PDE10A: variants seen among roughly 807,000 people sequenced by gnomAD.
PDE10A encodes phosphodiesterase 10A, also known as cAMP and cAMP-inhibited cGMP 3',5'-cyclic phosphodiesterase 10A.
Under a neutral mutation model 97.7 loss-of-function variants are expected in PDE10A, and 39 were observed. The observed-to-expected ratio is 0.40, with a 90% CI of 0.31 to 0.52. The LOEUF is 0.52. Ranked by LOEUF, PDE10A falls within the 20% of genes least tolerant of loss-of-function variation. The pLI is 0.56. For missense variants in PDE10A, 731 were observed against 1,047.8 expected (o/e 0.70, Z 4.17); for synonymous variants, 371 against 376.8 (o/e 0.98, Z 0.18).
chr6:165,374,466 T>TA (rs1164301996), intron 18 of PDE10A, among the ~76,000 whole-genome samples: 2 of 151,798 alleles, frequency 1.3e-5, no homozygotes, highest in Non-Finnish European at 2.9e-5. Flanking sequence ...AGCTGATATA[T>TA]AAAAAAGTAA....
intron 2 of PDE10A, among the ~76,000 whole-genome samples, chr6:165,494,867 C>T (rs992373857): frequency 1.3e-5 from 2 of 152,190 alleles, no homozygotes; most frequent in African/African-American, 2.4e-5. Context: ...GACTTCACTG[C>T]ACCTCTATCC....
chr6:165,851,251 C>A (rs1780564316), intron 1 of PDE10A, among the ~76,000 whole-genome samples: 1 of 152,168 alleles, frequency 6.6e-6, no homozygotes, highest in Non-Finnish European at 1.5e-5. Flanking sequence ...TGACCCATCA[C>A]AATATAGAGA....
At chr6:165,495,477 T>A (rs1780481982) in intron 2 of PDE10A, among the ~76,000 whole-genome samples, 1 of 152,160 alleles carries the variant, frequency 6.6e-6, no homozygotes, top group African/African-American at 2.4e-5. Context: ...CTTAGGGACT[T>A]TTTTAATATG....
intron 1 of PDE10A, among the ~76,000 whole-genome samples, chr6:165,914,226 G>T (rs1440032275): frequency 1.3e-5 from 2 of 152,130 alleles, no homozygotes; most frequent in African/African-American, 4.8e-5. Context: ...CATTGCCTAG[G>T]TGATGGTGAT....
intron 1 of PDE10A, among the ~76,000 whole-genome samples, chr6:165,771,039 C>A (rs1777995319): frequency 6.6e-6 from 1 of 152,188 alleles, no homozygotes; most frequent in Non-Finnish European, 1.5e-5. Context: ...ACTGCCATTG[C>A]AGGACTGGAT....
intron 19 of PDE10A, among the ~76,000 whole-genome samples, chr6:165,341,683 T>G (rs1178237654): frequency 6.6e-6 from 1 of 152,188 alleles, no homozygotes; most frequent in African/African-American, 2.4e-5. Context: ...CAACTCAACT[T>G]TTTCTTGTCA....
chr6:165,438,274 C>T (rs1182827365), intron 5 of PDE10A, among the ~76,000 whole-genome samples: 2 of 152,100 alleles, frequency 1.3e-5, no homozygotes, highest in Non-Finnish European at 2.9e-5. Context: ...CTGCAACCTC[C>T]GCCTCCCAGG....
intron 1 of PDE10A, among the ~76,000 whole-genome samples, chr6:165,738,134 G>T (rs1260691916): frequency 1.3e-5 from 2 of 150,478 alleles, no homozygotes; most frequent in East Asian, 3.9e-4. Flanking sequence ...CTAGCAATAG[G>T]TATATCTCCC....
intron 13 of PDE10A, among the ~76,000 whole-genome samples, chr6:165,411,277 A>G (rs896038425): frequency 2.6e-5 from 4 of 151,860 alleles, no homozygotes; most frequent in Non-Finnish European, 5.9e-5. Context: ...AAATTCATGT[A>G]TTAAAGCCTA....
chr6:165,760,180 T>C (rs1179648906), intron 1 of PDE10A, among the ~76,000 whole-genome samples: 2 of 152,112 alleles, frequency 1.3e-5, no homozygotes, highest in East Asian at 1.9e-4. Flanking sequence ...CCCTGTAGAG[T>C]TGATACAGCA....
intron 1 of PDE10A, among the ~76,000 whole-genome samples, chr6:165,708,109 G>T (rs1791764884): frequency 6.6e-6 from 1 of 152,268 alleles, no homozygotes. Flanking sequence ...CTGTCTGCAC[G>T]TGCTGGCTCC....
In PDE10A at chr6:165,329,551, A is replaced by C. The variant is rs1315535204; in HGVS notation, c.*3474T>G. On this transcript the variant is annotated 3_prime_UTR_variant, in exon 22 of 22. Transcript: ENST00000539869. ...CCAGAAACACAATACCCAAACCTAA[A>C]CCTATTAAAAAACCCAGGTATCTAA... 1 of 152,134 alleles carries C rather than the reference A, an allele frequency of 6.6e-6. No individual in the cohort carries two copies. The highest frequency in any genetic ancestry group is 6.5e-5 in the Admixed American group (1 of 15,268). The allele number at this position is 152,134 out of a possible 1,614,324, so 9.4% of individuals were successfully genotyped here.
At chr6:165,918,957 A>G (rs1418032109) in intron 1 of PDE10A, among the ~76,000 whole-genome samples, 1 of 152,220 alleles carries the variant, frequency 6.6e-6, no homozygotes, top group Non-Finnish European at 1.5e-5. Context: ...TGGCAAAAGC[A>G]TAAATGCAAA....
intron 2 of PDE10A, among the ~76,000 whole-genome samples, chr6:165,506,435 C>T (rs1357010441): frequency 1.3e-5 from 2 of 151,946 alleles, no homozygotes; most frequent in Non-Finnish European, 2.9e-5. Flanking sequence ...AAAAATGTTC[C>T]CAATAGAGGT....
intron 1 of PDE10A, among the ~76,000 whole-genome samples, chr6:165,685,424 C>T (rs1348696398): frequency 6.6e-6 from 1 of 151,678 alleles, no homozygotes; most frequent in Non-Finnish European, 1.5e-5. Context: ...GGTCAGCCTT[C>T]TTCTAAATGC....
intron 18 of PDE10A, among the ~76,000 whole-genome samples, chr6:165,365,903 A>G (rs1783741075): frequency 6.6e-6 from 1 of 152,202 alleles, no homozygotes; most frequent in South Asian, 2.1e-4. Flanking sequence ...AGACAACTAT[A>G]TGTCAAAATT....
chr6:165,718,959 G>A (rs1205851419), intron 1 of PDE10A, among the ~76,000 whole-genome samples: 7 of 152,214 alleles, frequency 4.6e-5, no homozygotes, highest in African/African-American at 1.7e-4. Context: ...AAAAGATATT[G>A]CATTCATGTT....
chr6:165,672,808 G>T (rs1206843679), intron 1 of PDE10A, among the ~76,000 whole-genome samples: 1 of 152,154 alleles, frequency 6.6e-6, no homozygotes, highest in Non-Finnish European at 1.5e-5. Context: ...TCAACATCGT[G>T]AAAACGGACT....
intron 1 of PDE10A, chr6:165,946,943 A>G (rs866839022): frequency 6.6e-6 from 1 of 152,060 alleles, no homozygotes; most frequent in African/African-American, 2.4e-5. Flanking sequence ...CTAGGTTTCC[A>G]TTTCAATGAA....
Sources: allele counts gnomAD v4.1 joint callset (sites outside exome capture counted in the v4.1 genomes callset), GRCh38; gene constraint gnomAD v4.1.1; transcripts MANE v1.5; gene names NCBI Gene and HGNC (gene_info 2026-07-23, HGNC 2026-07-21).